SLC35F4: variants seen among roughly 807,000 people sequenced by gnomAD.
SLC35F4 encodes the protein chromosome 14 open reading frame 36.
Under a neutral mutation model 44.2 loss-of-function variants are expected in SLC35F4, and 24 were observed. The ratio of observed to expected loss-of-function variants is 0.54; its 90% CI spans 0.39 to 0.76. The LOEUF is 0.76. Among genes scored for constraint, SLC35F4 ranks in the 30% least tolerant of loss-of-function variants. The pLI, the probability that SLC35F4 is intolerant of heterozygous loss-of-function variation, is 0.00. For missense variants in SLC35F4, 562 were observed against 586.1 expected (o/e 0.96, Z 0.42); for synonymous variants, 238 against 223.6 (o/e 1.06, Z -0.57).
chr14:57,588,229 T>A (rs72724914), intron 3 of SLC35F4, among the ~76,000 whole-genome samples: 1 of 152,242 alleles, frequency 6.6e-6, no homozygotes, highest in Admixed American at 6.5e-5. Context: ...AGTCGTATAA[T>A]GTACCAGTTG....
At chr14:57,819,213 T>C (rs927197084) in intron 1 of SLC35F4, among the ~76,000 whole-genome samples, 9 of 152,112 alleles carry the variant, frequency 5.9e-5, no homozygotes, top group African/African-American at 1.9e-4. Context: ...CTAAAACCAA[T>C]AACACTCCTT....
intron 1 of SLC35F4, among the ~76,000 whole-genome samples, chr14:57,953,713 AC>A (rs551339516): frequency 8.9e-4 from 135 of 152,366 alleles, no homozygotes; most frequent in African/African-American, 3.2e-3. Flanking sequence ...TATCAATGCA[AC>A]AAGAAGACCT....
chr14:57,584,666 T>G (rs889202842), intron 3 of SLC35F4, among the ~76,000 whole-genome samples: 3 of 152,182 alleles, frequency 2.0e-5, no homozygotes, highest in Non-Finnish European at 4.4e-5. Flanking sequence ...AAATCAGATT[T>G]TACTAAGTTC....
At chr14:57,740,242 G>GT (rs989256385) in intron 1 of SLC35F4, among the ~76,000 whole-genome samples, 179 of 152,076 alleles carry the variant, frequency 1.2e-3, no homozygotes, top group African/African-American at 4.0e-3. Context: ...ACAGAACTCT[G>GT]TTTTTTTAAG....
intron 1 of SLC35F4, among the ~76,000 whole-genome samples, chr14:57,944,427 C>A (rs1178457239): frequency 6.6e-6 from 1 of 152,016 alleles, no homozygotes; most frequent in Admixed American, 6.6e-5. Flanking sequence ...TTCTTGTTTC[C>A]TAACAAAAAA....
chr14:57,699,205 T>C lies in SLC35F4; in HGVS notation c.104-105081A>G, dbSNP rs188788321. On this transcript the variant is annotated intron_variant, in intron 1 of 7. Coordinates refer to ENST00000556826, the MANE Select transcript of SLC35F4 (RefSeq NM_001306087.2). ...AATGTTGTTTCCAATCATGACTATT[T>C]AGCTCTCTGATTTGATAGAGAAGTG... 4.6e-5 allele frequency among the ~76,000 whole-genome samples: 7 copies of C among 152,296 alleles called. No individual in the cohort carries two copies. The East Asian group carries it at 1.2e-3, about 25-fold the overall frequency.
At chr14:57,874,921 C>G (rs947575669) in intron 1 of SLC35F4, among the ~76,000 whole-genome samples, 1 of 151,802 alleles carries the variant, frequency 6.6e-6, no homozygotes, top group Non-Finnish European at 1.5e-5. Context: ...TAACTGACTA[C>G]TTATCCAATC....
chr14:57,942,073 T>C (rs757374299), intron 1 of SLC35F4, among the ~76,000 whole-genome samples: 2 of 152,198 alleles, frequency 1.3e-5, no homozygotes, highest in Non-Finnish European at 2.9e-5. Context: ...CACTTAAAAT[T>C]GCACATTTTG....
intron 1 of SLC35F4, among the ~76,000 whole-genome samples, chr14:57,645,711 G>A (rs1019859534): frequency 6.6e-6 from 1 of 151,186 alleles, no homozygotes; most frequent in African/African-American, 2.4e-5. Context: ...AGTTTTCAAA[G>A]GGAATGCTTC....
At chr14:57,577,316 T>C (rs1356372653) in intron 4 of SLC35F4, among the ~76,000 whole-genome samples, 1 of 152,118 alleles carries the variant, frequency 6.6e-6, no homozygotes, top group East Asian at 1.9e-4. Flanking sequence ...GGAAAGTCTT[T>C]GAAAACAGCT....
intron 1 of SLC35F4, among the ~76,000 whole-genome samples, chr14:57,651,977 G>A (rs1386444834): frequency 6.6e-6 from 1 of 152,062 alleles, no homozygotes; most frequent in African/African-American, 2.4e-5. Flanking sequence ...CAGCTTAAGG[G>A]GTAATAAAAA....
chr14:57,757,086 G>A (rs557235134), intron 1 of SLC35F4, among the ~76,000 whole-genome samples: 6 of 152,128 alleles, frequency 3.9e-5, no homozygotes, highest in East Asian at 1.9e-4. Flanking sequence ...TATTAGGTGC[G>A]TGAACATCTA....
At chr14:57,858,041 A>G (rs1423939745) in intron 1 of SLC35F4, among the ~76,000 whole-genome samples, 1 of 152,046 alleles carries the variant, frequency 6.6e-6, no homozygotes, top group East Asian at 1.9e-4. Context: ...CAGGTGCTGG[A>G]GAGGATGTGG....
Position 57,860,237 on chromosome 14 carries a change from T to C in SLC35F4, c.103+5486A>G, listed in dbSNP as rs768694650. On this transcript the variant is annotated intron_variant, in intron 1 of 7. Coordinates refer to ENST00000556826, the MANE Select transcript of SLC35F4 (RefSeq NM_001306087.2). ...TGGTACCCAAGTAAAAGGGAAAATA[T>C]TTACTACAAATTGCAGCTTCCAATA... Among the ~76,000 whole-genome samples the C allele has an allele frequency of 1.2e-4, 18 of 152,210 alleles. No homozygotes were observed. The South Asian group carries it at 1.9e-3, about 16-fold the overall frequency.
At chr14:57,642,057 G>T (rs1594676056) in intron 1 of SLC35F4, among the ~76,000 whole-genome samples, 1 of 151,904 alleles carries the variant, frequency 6.6e-6, no homozygotes, top group East Asian at 1.9e-4. Flanking sequence ...TGCAAATCTG[G>T]ATTGCTTGAC....
chr14:57,927,807 C>G (rs1889611115), intron 1 of SLC35F4, among the ~76,000 whole-genome samples: 1 of 152,034 alleles, frequency 6.6e-6, no homozygotes, highest in South Asian at 2.1e-4. Context: ...TTTTTATTCT[C>G]TAACTATTAC....
intron 1 of SLC35F4, among the ~76,000 whole-genome samples, chr14:57,942,403 ATC>A (rs989253600): frequency 5.3e-4 from 80 of 152,282 alleles, no homozygotes; most frequent in African/African-American, 1.7e-3. Flanking sequence ...AAGTTCTAAA[ATC>A]TCTTTCATAA....
chr14:57,977,619 C>T (rs1210302580), intron 1 of SLC35F4, among the ~76,000 whole-genome samples: 3 of 152,164 alleles, frequency 2.0e-5, no homozygotes, highest in East Asian at 1.9e-4. Context: ...AACTCAAGCA[C>T]GTTCCAAAGG....
At chr14:57,579,981 C>T (rs1387397644) in intron 4 of SLC35F4, among the ~76,000 whole-genome samples, 1 of 152,158 alleles carries the variant, frequency 6.6e-6, no homozygotes, top group Non-Finnish European at 1.5e-5. Context: ...AGACAGCCAG[C>T]ACCAGTGCCC....
Sources: allele counts gnomAD v4.1 joint callset (sites outside exome capture counted in the v4.1 genomes callset), GRCh38; gene constraint gnomAD v4.1.1; transcripts MANE v1.5; gene names NCBI Gene and HGNC (gene_info 2026-07-23, HGNC 2026-07-21).